The following ATP9B variants were observed in gnomAD, a reference collection of about 807,000 sequenced individuals.
ATP9B encodes the protein probable phospholipid-transporting ATPase IIB.
ATP9B carries 110 observed loss-of-function variants against 146.1 expected under a neutral mutation model. The ratio of observed to expected loss-of-function variants is 0.75; its 90% confidence interval spans 0.65 to 0.88. ATP9B has a LOEUF of 0.88. ATP9B is among the 40% of genes least tolerant of loss of function. The pLI is 0.00. For synonymous variants in ATP9B, 604 were observed against 569.7 expected (o/e 1.06, Z -0.86); for missense variants, 1,499 against 1,496.4 (o/e 1.00, Z -0.03).
At chr18:79,175,208 A>G (rs1600174567) in intron 7 of ATP9B, among the ~76,000 whole-genome samples, 1 of 151,530 alleles carries the variant, frequency 6.6e-6, no homozygotes, top group East Asian at 1.9e-4. Flanking sequence ...AAAAAAAAAA[A>G]AAAAAGAAAA....
chr18:79,133,139 G>A (rs954632905), intron 5 of ATP9B, among the ~76,000 whole-genome samples: 7 of 152,014 alleles, frequency 4.6e-5, no homozygotes, highest in African/African-American at 7.2e-5. Context: ...TAATGCACCC[G>A]CCTCAGCCTC....
At chr18:79,141,586 A>T (rs551117081) in intron 5 of ATP9B, among the ~76,000 whole-genome samples, 1 of 152,236 alleles carries the variant, frequency 6.6e-6, no homozygotes, top group Non-Finnish European at 1.5e-5. Flanking sequence ...TTCTCTATCA[A>T]GTGCAACTCT....
Position 79,344,317 on chromosome 18 carries a change from A to G in ATP9B, c.2435A>G (p.His812Arg). 1 of 1,614,262 alleles carries G rather than the reference A, an allele frequency of 6.2e-7. No homozygotes were observed. The highest frequency in any genetic ancestry group is 8.5e-7 in the Non-Finnish European group (1 of 1,180,046). Residue 812 changes from histidine to arginine, a missense_variant, in exon 21 of 30, where the codon CAT becomes CGT. His to Arg is a conservative substitution (Grantham distance 29). Coordinates refer to ENST00000426216, the MANE Select transcript of ATP9B (RefSeq NM_198531.5). ...GAGCTGAATGCATTTCGAAGGAAGC[A>G]TGATTGTGCACTAGTCATATCTGGG... ...HLELNAFRRK[H>R]DCALVISGDS...
intron 2 of ATP9B, among the ~76,000 whole-genome samples, chr18:79,099,486 G>A (rs1256143877): frequency 6.6e-6 from 1 of 152,178 alleles, no homozygotes; most frequent in East Asian, 1.9e-4. Flanking sequence ...TTCCCTTAGT[G>A]TTGGAATTAC....
chr18:79,320,057 T>C (rs2096706692), intron 15 of ATP9B, among the ~76,000 whole-genome samples: 1 of 152,160 alleles, frequency 6.6e-6, no homozygotes, highest in South Asian at 2.1e-4. Context: ...TGACACGGAG[T>C]GCCGAGAACG....
At chr18:79,238,252 T>C (rs1011145026) in intron 11 of ATP9B, among the ~76,000 whole-genome samples, 6 of 152,122 alleles carry the variant, frequency 3.9e-5, no homozygotes, top group African/African-American at 1.4e-4. Flanking sequence ...TTTTTTTTTT[T>C]TTGAATGAGA....
intron 4 of ATP9B, among the ~76,000 whole-genome samples, chr18:79,125,405 A>G (rs1050049853): frequency 8.5e-5 from 13 of 152,354 alleles, no homozygotes; most frequent in Admixed American, 7.2e-4. Context: ...GAAAAATACC[A>G]TTTCAGTAAA....
At chr18:79,207,188 G>T (rs1274954327) in intron 10 of ATP9B, among the ~76,000 whole-genome samples, 176 bp downstream of exon 10, 2 of 152,228 alleles carry the variant, frequency 1.3e-5, no homozygotes, top group African/African-American at 2.4e-5. Flanking sequence ...GGTGAGGCTT[G>T]TGCTGCTCCT....
intron 11 of ATP9B, among the ~76,000 whole-genome samples, chr18:79,249,860 G>A (rs921213721): frequency 6.6e-6 from 1 of 152,090 alleles, no homozygotes; most frequent in Non-Finnish European, 1.5e-5. Context: ...TAAAATAAAA[G>A]CAACCTACAA....
At chr18:79,299,765 G>C (rs1448539171) in intron 13 of ATP9B, 2 of 152,242 alleles carry the variant, frequency 1.3e-5, no homozygotes, top group African/African-American at 4.8e-5. Context: ...GGTTACAGCA[G>C]GATTTGGACT....
rs115344984 is a variant in ATP9B at position 79,366,436 on chromosome 18, A to G, written c.3013-6389A>G. ...GTTCACTGTAAGGCTGAAGACAAAA[A>G]GAACTGCAAACCGTGGGCTGCGTTT... On this transcript the variant is annotated intron_variant, in intron 26 of 29. Coordinates refer to ENST00000426216, the MANE Select transcript of ATP9B (RefSeq NM_198531.5). 6.5e-3 allele frequency among the ~76,000 whole-genome samples: 988 copies of G among 152,366 alleles called. 5 individuals are homozygous for G. The highest frequency in any genetic ancestry group is 0.022 in the African/African-American group (925 of 41,586).
intron 1 of ATP9B, among the ~76,000 whole-genome samples, chr18:79,070,157 C>T (rs1200991298): frequency 7.9e-5 from 12 of 152,164 alleles, no homozygotes; most frequent in Admixed American, 5.9e-4. Context: ...CTCGAGATTG[C>T]ATTTAGCTCA....
rs910802231 is a variant in ATP9B at position 79,273,345 on chromosome 18, C to T, written c.1269-3709C>T. 6.6e-5 allele frequency among the ~76,000 whole-genome samples: 10 copies of T among 152,256 alleles called. 1 individual carries two copies. The East Asian group carries it at 9.7e-4, about 15-fold the overall frequency. On this transcript the variant is annotated intron_variant, in intron 12 of 29. Transcript: ENST00000426216. ...GACTCACCCAGGGAGAGTGTTTGGG[C>T]GCCGGCCCTGCCTCCCTAATATCCC...
chr18:79,221,943 A>G (rs1007927778), intron 11 of ATP9B, among the ~76,000 whole-genome samples: 2 of 136,304 alleles, frequency 1.5e-5, no homozygotes, highest in Admixed American at 7.4e-5. Flanking sequence ...AAAAAAAAAG[A>G]AAGAAAAACT....
At chr18:79,168,801 G>A (rs2095025184) in intron 7 of ATP9B, among the ~76,000 whole-genome samples, 1 of 152,082 alleles carries the variant, frequency 6.6e-6, no homozygotes, top group South Asian at 2.1e-4. Flanking sequence ...TTAATTAGGA[G>A]TGCTATGTCT....
chr18:79,113,737 C>T (rs1231609586), intron 4 of ATP9B, among the ~76,000 whole-genome samples: 1 of 152,128 alleles, frequency 6.6e-6, no homozygotes, highest in Non-Finnish European at 1.5e-5. Flanking sequence ...CCATGGTGAG[C>T]ATTCTGAAGT....
At position 79,118,384 on chromosome 18, in the gene ATP9B, G is replaced by GTTTTTTTTTT. The variant is rs1304879263; in HGVS notation, c.558+5035_558+5036insTTTTTTTTTT. On this transcript the variant is annotated intron_variant, in intron 4 of 29. Coordinates refer to ENST00000426216, the MANE Select transcript of ATP9B (RefSeq NM_198531.5). Reference sequence around the variant, plus strand: ...ATTTTAAAACACAATCATATTGAACGTTTTTGTTTTTTTTTTTTTTTTTTT... The same window carrying GTTTTTTTTTT: ...ATTTTAAAACACAATCATATTGAACGTTTTTTTTTTTTTTTGTTTTTTTTTTTTTTTTTTT... 7.3e-4 allele frequency among the ~76,000 whole-genome samples: 54 copies of GTTTTTTTTTT among 73,484 alleles called. 9 individuals are homozygous for GTTTTTTTTTT. Among genetic ancestry groups the GTTTTTTTTTT allele is most frequent in the African/African-American group, 2.5e-3 (46 of 18,680 alleles). 48.2% of individuals were successfully genotyped at this position (73,484 alleles called of 152,430 possible). A position where few individuals can be genotyped will look rare whatever the true frequency, so the allele number is the denominator to read the frequency against.
intron 11 of ATP9B, among the ~76,000 whole-genome samples, chr18:79,227,288 A>C (rs1201119176): frequency 6.6e-6 from 1 of 151,876 alleles, no homozygotes; most frequent in Non-Finnish European, 1.5e-5. Context: ...AATGCTGTTT[A>C]GAAGTCAGGT....
In ATP9B at chr18:79,307,161, A is replaced by G; in HGVS notation, c.1700A>G (p.Glu567Gly). Reference sequence around the variant, plus strand: ...GAGTCTCGGGCCGGCGTTACTGAGGAGACTGAGTTCGCAGAGGCTGACCAA... The same window carrying G: ...GAGTCTCGGGCCGGCGTTACTGAGGGGACTGAGTTCGCAGAGGCTGACCAA... ...VYESRAGVTE[E>G]TEFAEADQDF... Residue 567 changes from glutamate (E) to glycine (G), a missense_variant, in exon 15 of 30, where the codon GAG becomes GGG. Physicochemically the swap from Glu to Gly is moderately conservative, Grantham distance 98 (BLOSUM62 -2). Transcript: ENST00000426216. 6 of 1,614,212 alleles carry G rather than the reference A, an allele frequency of 3.7e-6. No homozygotes were observed. The South Asian group carries it at 6.6e-5, about 18-fold the overall frequency.
Sources: allele counts gnomAD v4.1 joint callset (sites outside exome capture counted in the v4.1 genomes callset), GRCh38; gene constraint gnomAD v4.1.1; transcripts MANE v1.5; gene names NCBI Gene and HGNC (gene_info 2026-07-23, HGNC 2026-07-21).